Variants in HEG1 observed in about 807,000 individuals in gnomAD.
The protein encoded by HEG1 is heart development protein with EGF like domains 1, also known as protein HEG homolog 1.
A neutral mutation model predicts 125.6 loss-of-function variants in HEG1; 56 were observed. The observed-to-expected ratio is 0.45, with a 90% CI of 0.36 to 0.56. The LOEUF is 0.56. Ranked by LOEUF, HEG1 falls within the 20% of genes least tolerant of loss-of-function variation. HEG1 has a pLI of 0.00. For synonymous variants in HEG1, 644 were observed against 668.5 expected, an observed-to-expected ratio of 0.96 and a Z score of 0.57; for missense variants, 1,523 against 1,670.0, an observed-to-expected ratio of 0.91 and a Z score of 1.53.
chr3:125,010,414 C>G (rs1937139934), intron 7 of HEG1, 25 bp downstream of exon 7: 1 of 1,452,030 alleles, frequency 6.9e-7, no homozygotes, highest in East Asian at 2.5e-5. Flanking sequence ...TGGTGCAGAC[C>G]ACTGGGCGTT....
At chr3:125,055,409 C>A (rs537193058) in intron 1 of HEG1, among the ~76,000 whole-genome samples, 166 bp downstream of exon 1, 2 of 152,268 alleles carry the variant, frequency 1.3e-5, no homozygotes, top group East Asian at 3.9e-4. Context: ...ACTGCGAAAG[C>A]GTCCCTCCCT....
At chr3:125,035,923 T>C (rs1336112321) in intron 1 of HEG1, among the ~76,000 whole-genome samples, 1 of 152,042 alleles carries the variant, frequency 6.6e-6, no homozygotes, top group African/African-American at 2.4e-5. Context: ...AAAATACCTC[T>C]CTAAAGAACA....
chr3:125,024,734 T>C (rs1229953929), intron 3 of HEG1, among the ~76,000 whole-genome samples: 1 of 152,224 alleles, frequency 6.6e-6, no homozygotes, highest in Non-Finnish European at 1.5e-5. Flanking sequence ...TGCATGTTTC[T>C]GTGTAGCTGA....
chr3:125,026,730 T>C (rs1441020594), intron 3 of HEG1, among the ~76,000 whole-genome samples: 1 of 152,188 alleles, frequency 6.6e-6, no homozygotes, highest in Non-Finnish European at 1.5e-5. Context: ...CTGGGTGTGG[T>C]GGCTCATGCC....
At chr3:124,982,680 A>T (rs949403504) in intron 14 of HEG1, among the ~76,000 whole-genome samples, 1 of 152,160 alleles carries the variant, frequency 6.6e-6, no homozygotes, top group Non-Finnish European at 1.5e-5. Flanking sequence ...TTATGTTTAT[A>T]TGCTTATTTG....
intron 14 of HEG1, among the ~76,000 whole-genome samples, chr3:124,987,825 T>C (rs919400829): frequency 6.6e-6 from 1 of 151,116 alleles, no homozygotes; most frequent in African/African-American, 2.4e-5. Context: ...CGGCCAAGCC[T>C]CTCTGTTTCT....
At chr3:125,039,757 A>G (rs1222712957) in intron 1 of HEG1, among the ~76,000 whole-genome samples, 1 of 150,960 alleles carries the variant, frequency 6.6e-6, no homozygotes, top group Non-Finnish European at 1.5e-5. Flanking sequence ...GTACAGACAC[A>G]GTCTGAACCT....
intron 1 of HEG1, among the ~76,000 whole-genome samples, chr3:125,043,387 C>A (rs1937616932): frequency 6.6e-6 from 1 of 151,918 alleles, no homozygotes; most frequent in Admixed American, 6.6e-5. Flanking sequence ...TTGGAGTGAC[C>A]TCAAGCTCTT....
At chr3:125,028,319 C>A (rs1937447642) in intron 2 of HEG1, among the ~76,000 whole-genome samples, 3 of 152,206 alleles carry the variant, frequency 2.0e-5, no homozygotes, top group Non-Finnish European at 4.4e-5. Flanking sequence ...TCTAAACTGC[C>A]AGGTTTCAAA....
chr3:125,004,434 A>C (rs1180238643), intron 9 of HEG1, among the ~76,000 whole-genome samples: 1 of 152,056 alleles, frequency 6.6e-6, no homozygotes, highest in South Asian at 2.1e-4. Flanking sequence ...TATGAGCTTC[A>C]TTTTCCTGTC....
In HEG1 at chr3:124,977,910, C is replaced by T; in HGVS notation, c.3770G>A (p.Gly1257Glu). 1 of 1,580,692 alleles carries T rather than the reference C, an allele frequency of 6.3e-7. No individual in the cohort carries two copies. Among genetic ancestry groups the T allele is most frequent in the East Asian group, 2.3e-5 (1 of 43,114 alleles). ...GCCTAGGATGAGCAGGAGCCCACCT[C>T]CCGCGGCTGCGATCACCACAGTGAT... ...QLITVVIAAA[G>E]GGLLLILGIA... is the part of the protein sequence containing the mutation. Residue 1257 changes from glycine to glutamate, a missense_variant, in exon 15 of 17, where the codon GGA becomes GAA. Transcript: ENST00000311127.
At chr3:124,991,696 C>T (rs1412288156) in intron 12 of HEG1, among the ~76,000 whole-genome samples, 3 of 151,996 alleles carry the variant, frequency 2.0e-5, no homozygotes, top group East Asian at 1.9e-4. Context: ...ACTGCAACCT[C>T]GACCTCCCAG....
rs879035715 is a variant in HEG1 at position 125,013,688 on chromosome 3, A to G, written c.1891T>C (p.Ser631Pro). 3 of 1,613,774 alleles carry G rather than the reference A, an allele frequency of 1.9e-6. No homozygotes were observed. The highest frequency in any genetic ancestry group is 2.5e-6 in the Non-Finnish European group (3 of 1,179,868). ...GTGGGTGTGTAGGACGGAAGGTTGG[A>G]TGTATGCAGAACTGGCGACTCAGTA... ...PSTESPVLHT[S>P]NLPSYTPTIN... Residue 631 changes from serine to proline, a missense_variant, in exon 6 of 17, where the codon TCC (serine) becomes CCC (proline). By Grantham distance (74) the Ser-to-Pro change is moderately conservative. Transcript: ENST00000311127.
chr3:125,019,702 C>T, intron 4 of HEG1, 105 bp from the exon 5 acceptor site: 3 of 818,662 alleles, frequency 3.7e-6, no homozygotes, highest in Non-Finnish European at 2.0e-6. Flanking sequence ...TGCCAAGGAA[C>T]CTGGTATAGT....
Position 124,970,736 on chromosome 3 carries a change from T to A in HEG1, c.4062A>T (p.Pro1354=). The A allele has an allele frequency of 6.2e-7, 1 of 1,610,314 alleles. No homozygotes were observed. The highest frequency in any genetic ancestry group is 2.2e-5 in the East Asian group (1 of 44,820). The change falls in exon 17 of 17, where the codon CCA becomes CCT. Residue 1354 remains proline, a synonymous_variant. Transcript: ENST00000311127. ...NGLYPAYTGL[P]GSRHSCIFPG... is the part of the protein sequence containing the mutation. ...GGAAAATGCAAGAATGCCGTGATCC[T>A]GGCAGTCCAGTGTAGGCCGGGTAGA...
chr3:124,977,930 A>G lies in HEG1; in HGVS notation c.3750T>C (p.Thr1250=). 1.3e-6 allele frequency: 2 copies of G among 1,576,894 alleles called. No individual in the cohort carries two copies. Among genetic ancestry groups the G allele is most frequent in the Non-Finnish European group, 1.7e-6 (2 of 1,161,238 alleles). The change falls in exon 15 of 17, where the codon ACT becomes ACC. Residue 1250 remains threonine (T), a synonymous_variant. Coordinates refer to ENST00000311127, the MANE Select transcript of HEG1 (RefSeq NM_020733.2). ...LNCGNPYQLI[T]VVIAAAGGGL... is the part of the protein sequence containing the mutation. ...CACCTCCCGCGGCTGCGATCACCAC[A>G]GTGATAAGCTGATAGGCTAAACGTA...
intron 14 of HEG1, among the ~76,000 whole-genome samples, chr3:124,985,126 A>C (rs1936717395): frequency 6.6e-6 from 1 of 152,282 alleles, no homozygotes. Context: ...ATATTAACTA[A>C]ATTTATGGGC....
chr3:125,052,389 G>A (rs1937834344), intron 1 of HEG1, among the ~76,000 whole-genome samples: 1 of 152,194 alleles, frequency 6.6e-6, no homozygotes, highest in Admixed American at 6.5e-5. Context: ...CAGCTCAGAC[G>A]GGGCTCAGCT....
intron 1 of HEG1, among the ~76,000 whole-genome samples, chr3:125,031,757 C>A (rs1304277920): frequency 1.3e-5 from 2 of 151,394 alleles, no homozygotes; most frequent in Non-Finnish European, 1.5e-5. Flanking sequence ...CATACACATG[C>A]ACACATACAC....
Sources: gnomAD v4.1 joint callset for allele counts (sites outside exome capture counted in the v4.1 genomes callset) on GRCh38, gnomAD v4.1.1 for gene constraint, MANE v1.5 for transcripts, NCBI Gene and HGNC (gene_info 2026-07-23, HGNC 2026-07-21) for gene names.